The following SHANK2 variants were observed in gnomAD, a reference collection of about 807,000 sequenced individuals.
SHANK2 encodes the protein SH3 and multiple ankyrin repeat domains 2.
A neutral mutation model predicts 133.7 loss-of-function variants in SHANK2; 43 were observed. The ratio of observed to expected loss-of-function variants is 0.32; its 90% CI spans 0.25 to 0.41. The LOEUF is 0.41. SHANK2 is among the 10% of genes least tolerant of loss of function. SHANK2 has a pLI of 1.00. For missense variants in SHANK2, 1,994 were observed against 2,235.8 expected, an observed-to-expected ratio of 0.89 and a Z score of 2.18; for synonymous variants, 1,017 against 952.8, an observed-to-expected ratio of 1.07 and a Z score of -1.24.
At chr11:71,227,697 C>A (rs1019340489) in intron 1 of SHANK2, among the ~76,000 whole-genome samples, 1 of 152,174 alleles carries the variant, frequency 6.6e-6, no homozygotes, top group East Asian at 1.9e-4. Flanking sequence ...CAGTAATATA[C>A]CCAATCAACA....
In SHANK2 at chr11:70,684,597, G is replaced by A. The variant is rs140286222; in HGVS notation, c.1853+14091C>T. On this transcript the variant is annotated intron_variant, in intron 15 of 25. Transcript: ENST00000601538. ...CCCCACCCCAAAGGCATACTCTCTG[G>A]TTTCCTAGGAGAATCCGGTTTGGTA... is the stretch of plus-strand genomic sequence containing the variant. Among the ~76,000 whole-genome samples the A allele has an allele frequency of 3.5e-4, 53 of 152,172 alleles. No individual in the cohort carries two copies. In the East Asian group the frequency reaches 9.7e-3, roughly 28 times the overall value.
At chr11:70,783,725 G>C (rs1457677791) in intron 14 of SHANK2, among the ~76,000 whole-genome samples, 1 of 152,106 alleles carries the variant, frequency 6.6e-6, no homozygotes, top group Admixed American at 6.6e-5. Context: ...GGGTCCACAG[G>C]GTTTGTTTTA....
In SHANK2 at chr11:70,645,908, C is replaced by T. The variant is rs553020470; in HGVS notation, c.2061+13920G>A. Among the ~76,000 whole-genome samples the T allele has an allele frequency of 2.6e-5, 4 of 152,282 alleles. No individual in the cohort carries two copies. The South Asian group carries it at 8.3e-4, about 32-fold the overall frequency. ...TTTGAATCCTGCCCTGTCACTCCCT[C>T]ATCATCACCTGTGATGGGTCATCCT... On this transcript the variant is annotated intron_variant, in intron 17 of 25. Transcript: ENST00000601538.
At position 70,882,714 on chromosome 11, in the gene SHANK2, A is replaced by G. The variant is rs1420873406; in HGVS notation, c.1174+13787T>C. On this transcript the variant is annotated intron_variant, in intron 11 of 25. Transcript: ENST00000601538. This position sits in a 1 kb window ranked among gnomAD's most constrained non-coding sequence, Gnocchi z 4.2. ...GACGGTGATCCCCACGGCTTTGCTA[A>G]AAGGCGGCAGTGGCTTATCCTCATG... is the stretch of plus-strand genomic sequence containing the variant. 6.6e-6 allele frequency among the ~76,000 whole-genome samples: 1 copy of G among 152,182 alleles called. No individual in the cohort carries two copies. The highest frequency in any genetic ancestry group is 1.5e-5 in the Non-Finnish European group (1 of 68,022).
intron 11 of SHANK2, among the ~76,000 whole-genome samples, chr11:70,839,484 G>A (rs561713135): frequency 6.6e-6 from 1 of 152,326 alleles, no homozygotes; most frequent in East Asian, 1.9e-4. Context: ...GGATGTGCTG[G>A]GACCACTGAC....
chr11:70,751,783 G>A (rs1368130047), intron 14 of SHANK2, among the ~76,000 whole-genome samples: 1 of 152,084 alleles, frequency 6.6e-6, no homozygotes, highest in East Asian at 1.9e-4. Flanking sequence ...TCTACTTGCA[G>A]TGGTAAAGCA....
chr11:70,929,047 AAAGAAGCAAC>A (rs1403800856), intron 10 of SHANK2, among the ~76,000 whole-genome samples: 2 of 152,192 alleles, frequency 1.3e-5, no homozygotes, highest in African/African-American at 2.4e-5. Flanking sequence ...TTTTTCAGCA[AAAGAAGCAAC>A]ACCACCCACA....
In SHANK2 at chr11:70,492,389, C is replaced by T. The variant is rs781864336; in HGVS notation, c.2385G>A (p.Ala795=). The T allele has an allele frequency of 1.7e-5, 27 of 1,613,386 alleles. No homozygotes were observed. Among genetic ancestry groups the T allele is most frequent in the African/African-American group, 9.3e-5 (7 of 74,946 alleles). ...AENMAVEPRV[A]TIKQRPSSRC... is the part of the protein sequence containing the mutation. Reference sequence around the variant, plus strand: ...GGCTGCTGGGCCGCTGCTTGATGGTCGCCACCCTCGGTTCCACAGCCATGT... The same window carrying T: ...GGCTGCTGGGCCGCTGCTTGATGGTTGCCACCCTCGGTTCCACAGCCATGT... Residue 795 remains alanine (A), a synonymous_variant, in exon 22 of 26, where the codon GCG becomes GCA. Transcript: ENST00000601538.
At chr11:71,223,095 A>C (rs1555121574) in intron 2 of SHANK2, among the ~76,000 whole-genome samples, 1 of 152,226 alleles carries the variant, frequency 6.6e-6, no homozygotes. Context: ...AGGTGCAGAG[A>C]AGGGCTTGAA....
intron 17 of SHANK2, among the ~76,000 whole-genome samples, chr11:70,643,268 T>C (rs1360279408): frequency 3.3e-5 from 5 of 152,146 alleles, no homozygotes; most frequent in Middle Eastern, 3.2e-3. Flanking sequence ...TTGCATGCTT[T>C]TTTAAAAAGC....
At chr11:71,166,872 G>A (rs1165393033) in intron 2 of SHANK2, among the ~76,000 whole-genome samples, 1 of 143,704 alleles carries the variant, frequency 7.0e-6, no homozygotes, top group Non-Finnish European at 1.6e-5. Context: ...AATAGTGGAG[G>A]GAAGGTCAAC....
chr11:70,926,165 T>C (rs1418151264), intron 10 of SHANK2, among the ~76,000 whole-genome samples: 1 of 152,118 alleles, frequency 6.6e-6, no homozygotes, highest in Non-Finnish European at 1.5e-5. Flanking sequence ...AACAGCACTT[T>C]GGGAGGCCAA....
intron 14 of SHANK2, among the ~76,000 whole-genome samples, chr11:70,729,626 G>A (rs1555031595): frequency 6.6e-6 from 1 of 151,042 alleles, no homozygotes; most frequent in African/African-American, 2.4e-5. Context: ...CCAGGTTCAC[G>A]CCATTCTCCT....
intron 17 of SHANK2, among the ~76,000 whole-genome samples, chr11:70,544,304 G>A (rs1396128167): frequency 6.6e-6 from 1 of 152,176 alleles, no homozygotes; most frequent in African/African-American, 2.4e-5. Flanking sequence ...CAGCAGCTAC[G>A]GGGAACATAG....
intron 14 of SHANK2, among the ~76,000 whole-genome samples, chr11:70,731,624 C>T (rs1400781683): frequency 6.6e-6 from 1 of 152,228 alleles, no homozygotes; most frequent in African/African-American, 2.4e-5. Flanking sequence ...ATTCACTGGA[C>T]AGACCACAGT....
At chr11:71,229,999 C>A (rs1284655242) in intron 1 of SHANK2, among the ~76,000 whole-genome samples, 1 of 152,102 alleles carries the variant, frequency 6.6e-6, no homozygotes, top group Non-Finnish European at 1.5e-5. Context: ...CAGTCAAAAT[C>A]TCAGCAAAAT....
At chr11:70,905,561 GC>G (rs1428970352) in intron 10 of SHANK2, among the ~76,000 whole-genome samples, 2 of 152,178 alleles carry the variant, frequency 1.3e-5, no homozygotes, top group African/African-American at 4.8e-5. Context: ...AGGAGCTGGG[GC>G]CTTTGGGAGG....
rs1948191964 is a variant in SHANK2 at position 70,807,662 on chromosome 11, G to C, written c.1494-491C>G. Among the ~76,000 whole-genome samples, 1 of 152,050 alleles carries C rather than the reference G, an allele frequency of 6.6e-6. No homozygotes were observed. Among genetic ancestry groups the C allele is most frequent in the Non-Finnish European group, 1.5e-5 (1 of 67,998 alleles). On this transcript the variant is annotated intron_variant, in intron 12 of 25. Transcript: ENST00000601538. This position sits in a 1 kb window ranked among gnomAD's most constrained non-coding sequence, Gnocchi z 4.8. Reference sequence around the variant, plus strand: ...ACGGCCAACATGGTGAAACCTCGTTGGTACTAAAAATTCAAAAAATAGCAG... The same window carrying C: ...ACGGCCAACATGGTGAAACCTCGTTCGTACTAAAAATTCAAAAAATAGCAG...
chr11:70,486,883 C>A lies in SHANK2; in HGVS notation c.3410G>T (p.Ser1137Ile). 1 of 1,612,748 alleles carries A rather than the reference C, an allele frequency of 6.2e-7. No individual in the cohort carries two copies. The highest frequency in any genetic ancestry group is 8.5e-7 in the Non-Finnish European group (1 of 1,179,898). ...PEEGDFADED[S>I]AEQLSSPMPS... ...CATGGGGGATGACAGCTGCTCAGCG[C>A]TGTCCTCGTCAGCAAAATCCCCCTC... Residue 1137 changes from serine (S) to isoleucine (I), a missense_variant, in exon 25 of 26, where the codon AGC (serine) becomes ATC (isoleucine). Transcript: ENST00000601538. This position sits in a 1 kb window ranked among gnomAD's most constrained non-coding sequence, Gnocchi z 8.0.
Sources: allele counts gnomAD v4.1 joint callset (sites outside exome capture counted in the v4.1 genomes callset), GRCh38; gene constraint gnomAD v4.1.1; non-coding constraint Gnocchi (gnomAD v3.1); transcripts MANE v1.5; gene names NCBI Gene and HGNC (gene_info 2026-07-23, HGNC 2026-07-21).